The following COBLL1 variants were observed in gnomAD, a reference collection of about 807,000 sequenced individuals.
COBLL1 encodes the protein cordon-bleu WH2 repeat protein like 1, also known as cordon-bleu protein-like 1.
In COBLL1, 50 loss-of-function variants were observed where a neutral mutation model predicts 94.8. The ratio of observed to expected loss-of-function variants is 0.53; its 90% CI spans 0.42 to 0.67. The LOEUF is 0.67. COBLL1 is among the 30% of genes least tolerant of loss of function. The pLI is 0.00. For missense variants in COBLL1, 1,362 were observed against 1,348.7 expected (o/e 1.01, Z -0.15); for synonymous variants, 448 against 473.8 (o/e 0.95, Z 0.71).
chr2:164,810,245 AAAG>A (rs1453281063), intron 2 of COBLL1, among the ~76,000 whole-genome samples: 1 of 151,510 alleles, frequency 6.6e-6, no homozygotes, highest in African/African-American at 2.4e-5. Context: ...TTTTTTTCTA[AAAG>A]AAGAGATTTG....
intron 2 of COBLL1, among the ~76,000 whole-genome samples, chr2:164,791,744 T>C (rs1420122225): frequency 2.0e-5 from 3 of 152,144 alleles, no homozygotes; most frequent in Admixed American, 2.0e-4. Context: ...ACCTTCCTGA[T>C]GGTAGCAGAG....
At chr2:164,712,954 C>T (rs991546368) in intron 7 of COBLL1, among the ~76,000 whole-genome samples, 1 of 152,122 alleles carries the variant, frequency 6.6e-6, no homozygotes, top group Admixed American at 6.6e-5. Flanking sequence ...TACACACACA[C>T]ACGTGCATGC....
chr2:164,703,908 C>G (rs932688783), intron 9 of COBLL1, among the ~76,000 whole-genome samples: 1 of 152,108 alleles, frequency 6.6e-6, no homozygotes. Context: ...AAAAGTATTA[C>G]TATAAATTAT....
At chr2:164,778,385 T>C (rs1052731623) in intron 2 of COBLL1, among the ~76,000 whole-genome samples, 1 of 152,150 alleles carries the variant, frequency 6.6e-6, no homozygotes, top group African/African-American at 2.4e-5. Context: ...GGCAGGCAGA[T>C]CACTTGAGGT....
chr2:164,673,100 A>G (rs2105388503), intron 1 of COBLL1, among the ~76,000 whole-genome samples: 1 of 152,366 alleles, frequency 6.6e-6, no homozygotes, highest in East Asian at 1.9e-4. Context: ...CTTTATAAGT[A>G]TACATAATTC....
intron 2 of COBLL1, among the ~76,000 whole-genome samples, chr2:164,796,850 C>T (rs1387947770): frequency 6.6e-6 from 1 of 152,040 alleles, no homozygotes; most frequent in Non-Finnish European, 1.5e-5. Context: ...TGGAGCACAC[C>T]TGTAGTCCTA....
chr2:164,815,573 T>C (rs1278783578), intron 2 of COBLL1, among the ~76,000 whole-genome samples: 1 of 152,102 alleles, frequency 6.6e-6, no homozygotes, highest in Non-Finnish European at 1.5e-5. Flanking sequence ...TTTCCTCCTG[T>C]ATAAAAAGGG....
At chr2:164,787,985 C>T (rs1682959474) in intron 2 of COBLL1, among the ~76,000 whole-genome samples, 1 of 152,100 alleles carries the variant, frequency 6.6e-6, no homozygotes, top group Admixed American at 6.6e-5. Context: ...ATATCAATCA[C>T]TGTAACAGAC....
chr2:164,827,897 T>G (rs372423371), intron 2 of COBLL1, among the ~76,000 whole-genome samples: 215 of 152,286 alleles, frequency 1.4e-3, no homozygotes, highest in African/African-American at 5.1e-3. Flanking sequence ...AAAATGAAAA[T>G]GTTATTCAGA....
chr2:164,725,101 GATATATATATATATATAT>G (rs760164549), intron 5 of COBLL1: 2 of 76,298 alleles, frequency 2.6e-5, no homozygotes, highest in Non-Finnish European at 5.3e-5. Context: ...TACCCTGCAG[GATATATATATATATATAT>G]ATATATATAT....
intron 13 of COBLL1, chr2:164,687,363 C>T (rs762598344): frequency 2.7e-6 from 2 of 738,112 alleles, no homozygotes; most frequent in Non-Finnish European, 4.8e-6. Context: ...TGAGCCACTT[C>T]TCAGCCACCA....
At chr2:164,675,752 G>GCTTTT (rs1691325176), downstream of COBLL1, among the ~76,000 whole-genome samples, 1 of 152,044 alleles carries the variant, frequency 6.6e-6, no homozygotes, top group East Asian at 1.9e-4. Context: ...ATGTTTTATT[G>GCTTTT]CTTTTCTTTT....
intron 2 of COBLL1, among the ~76,000 whole-genome samples, chr2:164,661,876 G>GT (rs1691075014): frequency 6.6e-6 from 1 of 152,048 alleles, no homozygotes; most frequent in South Asian, 2.1e-4. Context: ...AAGAAGTAAT[G>GT]TTTTTTATGG....
rs188248830 is a variant in COBLL1 at position 164,712,474 on chromosome 2, G to C, written c.997-7369C>G. 7.1e-3 allele frequency among the ~76,000 whole-genome samples: 1,072 copies of C among 151,990 alleles called. 8 individuals are homozygous for C. Among genetic ancestry groups the C allele is most frequent in the Non-Finnish European group, 0.011 (739 of 67,922 alleles). On this transcript the variant is annotated intron_variant, in intron 7 of 13. Transcript: ENST00000652658. Reference sequence around the variant, plus strand: ...GACTCACATTATTCTTCTCCAACCTGGACATTCACAATAAACACTATTAAA... The same window carrying C: ...GACTCACATTATTCTTCTCCAACCTCGACATTCACAATAAACACTATTAAA...
intron 2 of COBLL1, among the ~76,000 whole-genome samples, chr2:164,813,558 C>A (rs1684565887): frequency 6.6e-6 from 1 of 152,092 alleles, no homozygotes; most frequent in Non-Finnish European, 1.5e-5. Flanking sequence ...TTTCAGGCAT[C>A]AACAAGTAGT....
At chr2:164,672,571 C>T (rs979931672) in intron 1 of COBLL1, among the ~76,000 whole-genome samples, 1 of 151,480 alleles carries the variant, frequency 6.6e-6, no homozygotes, top group Non-Finnish European at 1.5e-5. Context: ...CGGTGGCGGG[C>T]GCCTGTAGTC....
chr2:164,715,618 G>T (rs1362586921), intron 7 of COBLL1, among the ~76,000 whole-genome samples: 1 of 151,850 alleles, frequency 6.6e-6, no homozygotes, highest in Non-Finnish European at 1.5e-5. Flanking sequence ...TATAAACCAT[G>T]ATATATATTA....
At chr2:164,789,167 T>A (rs951273046) in intron 2 of COBLL1, among the ~76,000 whole-genome samples, 1 of 151,722 alleles carries the variant, frequency 6.6e-6, no homozygotes, top group Non-Finnish European at 1.5e-5. Flanking sequence ...AGTCCTGGAC[T>A]CAAAAAACAA....
intron 2 of COBLL1, among the ~76,000 whole-genome samples, chr2:164,805,332 T>TTTATATATATATATAAATATATATA (rs1684060975): frequency 1.8e-5 from 1 of 54,198 alleles, no homozygotes; most frequent in African/African-American, 8.8e-5. Context: ...TCTCTCTCTC[T>TTTATATATATATATAAATATATATA]CTCTCTATAT....
Sources: allele counts gnomAD v4.1 joint callset (sites outside exome capture counted in the v4.1 genomes callset), GRCh38; gene constraint gnomAD v4.1.1; transcripts MANE v1.5; gene names NCBI Gene and HGNC (gene_info 2026-07-23, HGNC 2026-07-21).